NUDT5: variants seen among roughly 807,000 people sequenced by gnomAD.
The protein encoded by NUDT5 is nudix hydrolase 5, also known as ADP-sugar pyrophosphatase.
In NUDT5, 21 loss-of-function variants were observed where a neutral mutation model predicts 34.1. That is an observed-to-expected ratio of 0.62 (90% CI 0.44 to 0.89). The LOEUF (loss-of-function observed/expected upper bound fraction) is 0.89, where lower values mean the gene tolerates loss of function less well. Ranked by LOEUF, NUDT5 falls within the 40% of genes least tolerant of loss-of-function variation. The pLI, the probability that NUDT5 is intolerant of heterozygous loss-of-function variation, is 0.00. For synonymous variants in NUDT5, 85 were observed against 97.6 expected (o/e 0.87, Z 0.76); for missense variants, 249 against 274.8 (o/e 0.91, Z 0.66).
intron 1 of NUDT5, among the ~76,000 whole-genome samples, chr10:12,192,137 C>A (rs1835241257): frequency 6.6e-6 from 1 of 152,056 alleles, no homozygotes; most frequent in Admixed American, 6.6e-5. Flanking sequence ...GGGTCAGGCA[C>A]TTGGAACAGT....
Position 12,167,524 on chromosome 10 carries a change from AAAGG to A in NUDT5, c.*174_*177del. 1.8e-6 allele frequency: 1 copy of A among 568,046 alleles called. No homozygotes were observed. Among genetic ancestry groups the A allele is most frequent in the Non-Finnish European group, 3.0e-6 (1 of 327,906 alleles). 35.2% of individuals were successfully genotyped at this position (568,046 alleles called of 1,614,324 possible). On this transcript the variant is annotated 3_prime_UTR_variant, in exon 10 of 10. Transcript: ENST00000491614. ...TTTTAGCTGGAGTTATAACAAATTT[AAAGG>A]AAGGTCACAACCTACCTGTAATTAC...
chr10:12,188,450 G>T (rs1835163004), intron 1 of NUDT5, among the ~76,000 whole-genome samples: 2 of 152,232 alleles, frequency 1.3e-5, no homozygotes, highest in African/African-American at 2.4e-5. Flanking sequence ...GTGAGGCCGG[G>T]TGCGGTGGCT....
At chr10:12,179,542 C>T (rs1035737082) in intron 3 of NUDT5, among the ~76,000 whole-genome samples, 4 of 152,184 alleles carry the variant, frequency 2.6e-5, no homozygotes, top group South Asian at 4.1e-4. Flanking sequence ...CTACTATGGA[C>T]AACGTGAACT....
Position 12,165,382 on chromosome 10 carries a change from A to C in NUDT5, c.*2320T>G. 1.0e-6 allele frequency: 1 copy of C among 968,540 alleles called. No homozygotes were observed. Among genetic ancestry groups the C allele is most frequent in the Non-Finnish European group, 1.2e-6 (1 of 814,698 alleles). The allele number at this position is 968,540 out of a possible 1,614,324, so 60.0% of individuals were successfully genotyped here. On this transcript the variant is annotated 3_prime_UTR_variant, in exon 10 of 10. Transcript: ENST00000491614. ...AAGAAAACTGATTCAGTTGTGTTGG[A>C]AAAAATAAAGAAATCTGATATTAAA...
chr10:12,165,445 A>C lies in NUDT5; in HGVS notation c.*2257T>G, dbSNP rs1253209752. 6 of 821,964 alleles carry C rather than the reference A, an allele frequency of 7.3e-6. No homozygotes were observed. The highest frequency in any genetic ancestry group is 8.8e-6 in the Non-Finnish European group (6 of 681,314). 50.9% of individuals were successfully genotyped at this position (821,964 alleles called of 1,614,324 possible). A position where few individuals can be genotyped will look rare whatever the true frequency, so the allele number is the denominator to read the frequency against. On this transcript the variant is annotated 3_prime_UTR_variant, in exon 10 of 10. Coordinates refer to ENST00000491614, the MANE Select transcript of NUDT5 (RefSeq NM_014142.4). ...TCATTTGTATAGGTTCAGTGTATTC[A>C]TAAGAAGTCCACCCTGAGATGCCTG...
At position 12,169,127 on chromosome 10, in the gene NUDT5, C is replaced by T. The variant is rs1392486978; in HGVS notation, c.551-1316G>A. On this transcript the variant is annotated intron_variant, in intron 9 of 9. Coordinates refer to ENST00000491614, the MANE Select transcript of NUDT5 (RefSeq NM_014142.4). The surrounding 1 kb of genome is among the most constrained non-coding windows in gnomAD (Gnocchi z 4.8). ...TCTCAAATGTTGCTGGTTGAATAAA[C>T]GGTTTGATTACTGTATTTTGATTCT... The T allele has an allele frequency of 2.8e-5, 16 of 563,588 alleles. No homozygotes were observed. The highest frequency in any genetic ancestry group is 3.1e-4 in the Middle Eastern group (1 of 3,190). 34.9% of individuals were successfully genotyped at this position (563,588 alleles called of 1,614,324 possible).
Position 12,169,418 on chromosome 10 carries a change from T to A in NUDT5, c.550+1299A>T. Reference sequence around the variant, plus strand: ...GGGAGGGGCTGTTATTGTTCCTGTTTTATGAAAAAAGCCGAGAGAGGCTAC... The same window carrying A: ...GGGAGGGGCTGTTATTGTTCCTGTTATATGAAAAAAGCCGAGAGAGGCTAC... On this transcript the variant is annotated intron_variant, in intron 9 of 9. Transcript: ENST00000491614. The surrounding 1 kb of genome is among the most constrained non-coding windows in gnomAD (Gnocchi z 4.8). 3.3e-6 allele frequency: 3 copies of A among 908,480 alleles called. No individual in the cohort carries two copies. The allele number at this position is 908,480 out of a possible 1,614,324, so 56.3% of individuals were successfully genotyped here.
At position 12,187,371 on chromosome 10, in the gene NUDT5, G is replaced by C. The variant is rs1190540918; in HGVS notation, c.-41-1039C>G. Among the ~76,000 whole-genome samples the C allele has an allele frequency of 1.3e-5, 2 of 152,214 alleles. No homozygotes were observed. Among genetic ancestry groups the C allele is most frequent in the Non-Finnish European group, 2.9e-5 (2 of 68,032 alleles). On this transcript the variant is annotated intron_variant, in intron 1 of 9. Transcript: ENST00000491614. This position sits in a 1 kb window ranked among gnomAD's most constrained non-coding sequence, Gnocchi z 5.4. ...CTTTTAAGTTTCAGCATGTATCAAA[G>C]TCATAGTTGCAGAGAAAGGATCGAG...
chr10:12,184,082 C>T (rs1835084956), intron 3 of NUDT5, among the ~76,000 whole-genome samples: 1 of 152,138 alleles, frequency 6.6e-6, no homozygotes, highest in Non-Finnish European at 1.5e-5. Context: ...GACAGAGTCT[C>T]ACTCTGTCAC....
chr10:12,178,969 A>C lies in NUDT5; in HGVS notation c.181+114T>G. 4 of 883,040 alleles carry C rather than the reference A, an allele frequency of 4.5e-6. No homozygotes were observed. The East Asian group carries it at 9.9e-5, about 22-fold the overall frequency. The allele number at this position is 883,040 out of a possible 1,614,324, so 54.7% of individuals were successfully genotyped here. A position where few individuals can be genotyped will look rare whatever the true frequency, so the allele number is the denominator to read the frequency against. On this transcript the variant is annotated intron_variant, in intron 4 of 9. Transcript: ENST00000491614. ...ACATAGTATGGCAAAACCTAAGCGG[A>C]GATTTAAAGACACAACATCCTAATA... is the stretch of plus-strand genomic sequence containing the variant.
intron 5 of NUDT5, among the ~76,000 whole-genome samples, chr10:12,177,291 A>G (rs758857979): frequency 1.3e-5 from 2 of 152,156 alleles, no homozygotes; most frequent in Non-Finnish European, 2.9e-5. Context: ...AGGCCAAGGC[A>G]GGCAGATCAC....
Position 12,171,297 on chromosome 10 carries a change from C to T in NUDT5, c.488-389G>A, listed in dbSNP as rs558139348. 1.2e-4 allele frequency among the ~76,000 whole-genome samples: 18 copies of T among 152,178 alleles called. No individual in the cohort carries two copies. Among genetic ancestry groups the T allele is most frequent in the Non-Finnish European group, 2.5e-4 (17 of 68,030 alleles). ...CTTTTCATGACACCCAACAGAAACT[C>T]GGGATCCACTCAACACTAATTCCCC... On this transcript the variant is annotated intron_variant, in intron 7 of 9. Transcript: ENST00000491614. The surrounding 1 kb of genome is among the most constrained non-coding windows in gnomAD (Gnocchi z 4.2).
At chr10:12,192,218 C>T (rs368754257) in intron 1 of NUDT5, among the ~76,000 whole-genome samples, 65 of 151,794 alleles carry the variant, frequency 4.3e-4, no homozygotes, top group African/African-American at 1.4e-3. Context: ...GCAGGAGAAT[C>T]GCTTGAACGA....
In NUDT5 at chr10:12,186,674, G is replaced by C. The variant is rs561070780; in HGVS notation, c.-41-342C>G. ...AGAGAGTCTCACTCTGTTGCCCAGG[G>C]TGGAGTGCAATGGCGCGATCTCAGC... On this transcript the variant is annotated intron_variant, in intron 1 of 9. Coordinates refer to ENST00000491614, the MANE Select transcript of NUDT5 (RefSeq NM_014142.4). Among the ~76,000 whole-genome samples, 358 of 151,032 alleles carry C rather than the reference G, an allele frequency of 2.4e-3. 1 individual carries two copies. The highest frequency in any genetic ancestry group is 8.3e-3 in the African/African-American group (343 of 41,078).
chr10:12,188,512 C>A (rs1835164427), intron 1 of NUDT5, among the ~76,000 whole-genome samples: 1 of 152,142 alleles, frequency 6.6e-6, no homozygotes, highest in African/African-American at 2.4e-5. Flanking sequence ...GCGGGTGGAT[C>A]ACGAGGTCAA....
chr10:12,181,435 T>A lies in NUDT5; in HGVS notation c.132-2303A>T, dbSNP rs886866168. Among the ~76,000 whole-genome samples the A allele has an allele frequency of 6.6e-6, 1 of 152,214 alleles. No homozygotes were observed. Among genetic ancestry groups the A allele is most frequent in the Non-Finnish European group, 1.5e-5 (1 of 68,040 alleles). ...GAGGGGCCGGAAGTGTTTCAGAGTTTGGTTTTTCAGATTTTGAAATATTTG... is the reference window on the plus strand; with the variant it reads ...GAGGGGCCGGAAGTGTTTCAGAGTTAGGTTTTTCAGATTTTGAAATATTTG... On this transcript the variant is annotated intron_variant, in intron 3 of 9. Transcript: ENST00000491614. This position sits in a 1 kb window ranked among gnomAD's most constrained non-coding sequence, Gnocchi z 5.0.
Position 12,175,602 on chromosome 10 carries a change from A to G in NUDT5, c.290-1789T>C, listed in dbSNP as rs1834935275. Among the ~76,000 whole-genome samples, 1 of 152,118 alleles carries G rather than the reference A, an allele frequency of 6.6e-6. No homozygotes were observed. Among genetic ancestry groups the G allele is most frequent in the Admixed American group, 6.5e-5 (1 of 15,278 alleles). On this transcript the variant is annotated intron_variant, in intron 5 of 9. Coordinates refer to ENST00000491614, the MANE Select transcript of NUDT5 (RefSeq NM_014142.4). The surrounding 1 kb of genome is among the most constrained non-coding windows in gnomAD (Gnocchi z 4.8). ...GGCTGCAGTGAGCTGTGATTGTGCC[A>G]CTGCACTCCAACATGGGCAACAGAG...
intron 1 of NUDT5, among the ~76,000 whole-genome samples, chr10:12,195,492 T>G (rs1835321374): frequency 6.6e-6 from 1 of 152,196 alleles, no homozygotes. Flanking sequence ...TACCAAGCAT[T>G]CTACTCCTCT....
rs1835059716 is a variant in NUDT5 at position 12,182,585 on chromosome 10, C to G, written c.131+2304G>C. ...TTTGGTGGATTTTAGAGCCTACTCC[C>G]AATCTACTGAAATAGATATTCTGAA... On this transcript the variant is annotated intron_variant, in intron 3 of 9. Coordinates refer to ENST00000491614, the MANE Select transcript of NUDT5 (RefSeq NM_014142.4). This position sits in a 1 kb window ranked among gnomAD's most constrained non-coding sequence, Gnocchi z 4.3. Among the ~76,000 whole-genome samples the G allele has an allele frequency of 6.6e-6, 1 of 152,130 alleles. No individual in the cohort carries two copies. The highest frequency in any genetic ancestry group is 1.5e-5 in the Non-Finnish European group (1 of 68,028).
Sources: gnomAD v4.1 joint callset for allele counts (sites outside exome capture counted in the v4.1 genomes callset) on GRCh38, gnomAD v4.1.1 for gene constraint, Gnocchi (gnomAD v3.1) non-coding constraint, MANE v1.5 for transcripts, NCBI Gene and HGNC (gene_info 2026-07-23, HGNC 2026-07-21) for gene names.